Variants in AMMECR1 observed in about 807,000 individuals in gnomAD.
The protein encoded by AMMECR1 is AMMECR nuclear protein 1, also known as nuclear protein AMMECR1.
Under a neutral mutation model 22.5 loss-of-function variants are expected in AMMECR1, and 3 were observed. The ratio of observed to expected loss-of-function variants is 0.13; its 90% CI spans 0.06 to 0.35. AMMECR1 has a LOEUF of 0.35. Among genes scored for constraint, AMMECR1 ranks in the 10% least tolerant of loss-of-function variants. The pLI is 1.00. For synonymous variants in AMMECR1, 130 were observed against 116.7 expected (o/e 1.11, Z -0.74); for missense variants, 235 against 278.7 (o/e 0.84, Z 1.12).
intron 2 of AMMECR1, among the ~76,000 whole-genome samples, chrX:110,222,576 C>T (rs1233781442): frequency 4.2e-4 from 39 of 93,791 alleles, no homozygotes; most frequent in South Asian, 5.2e-4. Context: ...TGCACATGTA[C>T]CCTAAAACTT....
chrX:110,399,427 G>A (rs761290554), intron 2 of AMMECR1, among the ~76,000 whole-genome samples: 3 of 112,378 alleles, frequency 2.7e-5, no homozygotes, highest in Non-Finnish European at 3.8e-5. Context: ...TTGAATTTGC[G>A]CTCACAGCAG....
At chrX:110,375,281 G>C (rs762717854) in intron 2 of AMMECR1, among the ~76,000 whole-genome samples, 1 of 112,265 alleles carries the variant, frequency 8.9e-6, no homozygotes, top group East Asian at 2.8e-4. Flanking sequence ...AGGAGAACAA[G>C]AGATGGAATG....
At chrX:110,241,989 G>A (rs2067635696) in intron 2 of AMMECR1, among the ~76,000 whole-genome samples, 2 of 111,424 alleles carry the variant, frequency 1.8e-5, no homozygotes, top group South Asian at 7.6e-4. Flanking sequence ...CACTAGCACA[G>A]GGCAGTCTTC....
intron 1 of AMMECR1, among the ~76,000 whole-genome samples, chrX:110,268,813 G>GA (rs776119140): frequency 1.8e-5 from 2 of 110,855 alleles, no homozygotes; most frequent in East Asian, 5.6e-4. Flanking sequence ...TGCTCAATGA[G>GA]AAAAAAAATA....
chrX:110,402,771 T>C (rs749463094), intron 2 of AMMECR1, among the ~76,000 whole-genome samples: 12 of 112,328 alleles, frequency 1.1e-4, no homozygotes, highest in African/African-American at 3.9e-4. Context: ...GCTTTAGTTA[T>C]TTTTTGAGCT....
At chrX:110,331,800 AC>A (rs987041251) in intron 2 of AMMECR1, among the ~76,000 whole-genome samples, 1 of 111,723 alleles carries the variant, frequency 9.0e-6, no homozygotes, top group African/African-American at 3.3e-5. Flanking sequence ...GTTGTCTTTC[AC>A]CATTATCCTC....
chrX:110,389,069 C>T (rs1328609182), intron 2 of AMMECR1, among the ~76,000 whole-genome samples: 2 of 111,785 alleles, frequency 1.8e-5, no homozygotes, highest in East Asian at 2.8e-4. Context: ...AATAGGTAGG[C>T]AATGAGATTA....
intron 2 of AMMECR1, among the ~76,000 whole-genome samples, chrX:110,249,642 C>T (rs1013385183): frequency 1.8e-5 from 2 of 111,943 alleles, no homozygotes; most frequent in African/African-American, 6.5e-5. Flanking sequence ...TGGCTCACAC[C>T]TGTAATCCCA....
chrX:110,387,724 T>C (rs1345425877), intron 2 of AMMECR1, among the ~76,000 whole-genome samples: 5 of 111,869 alleles, frequency 4.5e-5, no homozygotes, highest in Non-Finnish European at 1.9e-5. Context: ...TCTCTACTTC[T>C]CAACGGAATG....
Position 110,317,989 on chromosome X carries a change from G to A in AMMECR1, c.83C>T (p.Ser28Phe), listed in dbSNP as rs1342589167. ...CTCTCCGCTGCAGTGGGAGGAGGAG[G>A]AGGCGCCACCACCGCCACCCGAGCC... ...PSGSGGGGGA[S>F]SSSHCSGESQ... Residue 28 changes from serine to phenylalanine, a missense_variant, in exon 1 of 6, where the codon TCC becomes TTC. By Grantham distance (155) the Ser-to-Phe change is radical (BLOSUM62 -2). Transcript: ENST00000262844. 1.0e-5 allele frequency: 12 copies of A among 1,201,729 alleles called. No homozygotes were observed. The highest frequency in any genetic ancestry group is 1.3e-5 in the Non-Finnish European group (12 of 891,653).
At chrX:110,341,403 T>C (rs940996906) in intron 2 of AMMECR1, among the ~76,000 whole-genome samples, 1 of 112,620 alleles carries the variant, frequency 8.9e-6, no homozygotes, top group African/African-American at 3.2e-5. Flanking sequence ...TTATACATGG[T>C]TTCACTTTCA....
intron 2 of AMMECR1, among the ~76,000 whole-genome samples, chrX:110,406,768 C>T (rs1487243185): frequency 8.9e-6 from 1 of 112,224 alleles, no homozygotes; most frequent in Non-Finnish European, 1.9e-5. Flanking sequence ...TCTTATGCTC[C>T]TCTGCTTTCT....
chrX:110,418,632 C>T (rs1296346274), intron 2 of AMMECR1, among the ~76,000 whole-genome samples: 4 of 111,598 alleles, frequency 3.6e-5, no homozygotes, highest in Non-Finnish European at 7.5e-5. Context: ...CCCAAACTGC[C>T]ACGGTCTCCA....
At chrX:110,219,816 A>G (rs947210234) in intron 2 of AMMECR1, among the ~76,000 whole-genome samples, 2 of 112,173 alleles carry the variant, frequency 1.8e-5, no homozygotes, top group African/African-American at 6.5e-5. Context: ...TGATTCTTGC[A>G]TTTTTTAGCC....
At chrX:110,364,746 A>G (rs1214015978) in intron 2 of AMMECR1, among the ~76,000 whole-genome samples, 1 of 111,619 alleles carries the variant, frequency 9.0e-6, no homozygotes, top group Non-Finnish European at 1.9e-5. Context: ...AGCCATACTA[A>G]TTTCTTTACT....
chrX:110,336,402 G>T (rs770102281), intron 2 of AMMECR1, among the ~76,000 whole-genome samples: 1 of 110,519 alleles, frequency 9.0e-6, no homozygotes, highest in African/African-American at 3.3e-5. Context: ...AAAACATCTC[G>T]ACTGGGTGTG....
intron 1 of AMMECR1, among the ~76,000 whole-genome samples, chrX:110,428,747 C>T (rs1446401088): frequency 9.0e-6 from 1 of 111,628 alleles, no homozygotes; most frequent in Non-Finnish European, 1.9e-5. Flanking sequence ...GTCTGCCTTC[C>T]CAACCATACC....
intron 2 of AMMECR1, among the ~76,000 whole-genome samples, chrX:110,336,020 A>G (rs1433249294): frequency 8.9e-6 from 1 of 111,953 alleles, no homozygotes; most frequent in Non-Finnish European, 1.9e-5. Context: ...AGGATGTAAC[A>G]CCTAAGTTGG....
At chrX:110,219,637 A>G in intron 2 of AMMECR1, 2 of 738,567 alleles carry the variant, frequency 2.7e-6, no homozygotes, top group Non-Finnish European at 3.2e-6. Flanking sequence ...AAGAATGTTT[A>G]GAACAAGGAG....
Sources: allele counts gnomAD v4.1 joint callset (sites outside exome capture counted in the v4.1 genomes callset), GRCh38; gene constraint gnomAD v4.1.1; transcripts MANE v1.5; gene names NCBI Gene and HGNC (gene_info 2026-07-23, HGNC 2026-07-21).